The following ZNF566 variants were observed in gnomAD, a reference collection of about 807,000 sequenced individuals.
The protein encoded by ZNF566 is zinc finger protein 566.
A neutral mutation model predicts 32.8 loss-of-function variants in ZNF566; 27 were observed. The ratio of observed to expected loss-of-function variants is 0.82; its 90% CI spans 0.61 to 1.14. The LOEUF (loss-of-function observed/expected upper bound fraction) is 1.14, where lower values mean the gene tolerates loss of function less well. Among genes scored for constraint, ZNF566 ranks in the 50% most tolerant of loss-of-function variants. ZNF566 has a pLI of 0.00. For synonymous variants in ZNF566, 154 were observed against 159.5 expected (o/e 0.97, Z 0.26); for missense variants, 402 against 490.4 (o/e 0.82, Z 1.70).
chr19:36,451,988 C>A (rs938565472), intron 4 of ZNF566, among the ~76,000 whole-genome samples: 3 of 151,332 alleles, frequency 2.0e-5, no homozygotes, highest in African/African-American at 7.3e-5. Flanking sequence ...GCCTAGGGAA[C>A]AGAGCGAGAC....
intron 1 of ZNF566, among the ~76,000 whole-genome samples, chr19:36,484,811 G>C (rs906724109): frequency 3.9e-5 from 6 of 152,030 alleles, no homozygotes; most frequent in African/African-American, 1.4e-4. Context: ...GGATGGTCTT[G>C]ATCTCCTGAC....
rs1481464081 is a variant in ZNF566, at chr19:36,446,258, A to AT, written c.*2718dup. On this transcript the variant is annotated 3_prime_UTR_variant, in exon 5 of 5. Coordinates refer to ENST00000452939, the MANE Select transcript of ZNF566 (RefSeq NM_001145344.1). ...GGAACGGAGAAGGGCAAAGATAATC[A>AT]TTTTTTCTTTCTTTTTTTTTTTTTT... is the stretch of plus-strand genomic sequence containing the variant. 1 of 145,356 alleles carries AT rather than the reference A, an allele frequency of 6.9e-6. No homozygotes were observed. Among genetic ancestry groups the AT allele is most frequent in the Non-Finnish European group, 1.5e-5 (1 of 66,484 alleles). 9.0% of individuals were successfully genotyped at this position (145,356 alleles called of 1,614,324 possible).
chr19:36,451,841 A>G (rs1193923896), intron 4 of ZNF566, among the ~76,000 whole-genome samples: 3 of 152,138 alleles, frequency 2.0e-5, no homozygotes, highest in Admixed American at 2.0e-4. Flanking sequence ...CCCTATCTCT[A>G]CTAAAAATAC....
chr19:36,454,586 T>C (rs2033253408), intron 4 of ZNF566, among the ~76,000 whole-genome samples: 1 of 151,832 alleles, frequency 6.6e-6, no homozygotes, highest in Non-Finnish European at 1.5e-5. Flanking sequence ...AGAAGAATCA[T>C]AAGAGACTAC....
chr19:36,453,493 AAATAAATAAATAAATT>A (rs1180723782), intron 4 of ZNF566, among the ~76,000 whole-genome samples: 1 of 118,684 alleles, frequency 8.4e-6, no homozygotes, highest in Admixed American at 8.3e-5. Flanking sequence ...ATAAATAAAT[AAATAAATAAATAAATT>A]AATTAATTAA....
chr19:36,473,148 G>T, intron 3 of ZNF566, 142 bp from the exon 4 acceptor site: 1 of 1,039,814 alleles, frequency 9.6e-7, no homozygotes, highest in Non-Finnish European at 1.4e-6. Flanking sequence ...CATAACGGAA[G>T]ATGTAAAACA....
At chr19:36,464,273 G>A (rs913271051) in intron 4 of ZNF566, among the ~76,000 whole-genome samples, 1 of 152,072 alleles carries the variant, frequency 6.6e-6, no homozygotes, top group African/African-American at 2.4e-5. Context: ...TATGACAGAG[G>A]AGCATTGTTG....
At chr19:36,473,299 A>G in intron 3 of ZNF566, 33 bp downstream of exon 3, 1 of 1,612,876 alleles carries the variant, frequency 6.2e-7, no homozygotes, top group South Asian at 1.1e-5. Flanking sequence ...TTCCAAGGGC[A>G]GAATCTAAAT....
At chr19:36,488,955 C>G (rs2034240853) in intron 1 of ZNF566, among the ~76,000 whole-genome samples, 3 of 152,148 alleles carry the variant, frequency 2.0e-5, no homozygotes, top group South Asian at 2.1e-4. Context: ...GGGTCGCACA[C>G]GCAGGGCCTC....
intron 3 of ZNF566, 91 bp downstream of exon 3, chr19:36,473,241 C>T: frequency 1.3e-6 from 2 of 1,482,384 alleles, no homozygotes; most frequent in Non-Finnish European, 1.9e-6. Flanking sequence ...CAAAATTCGA[C>T]TGGTTTTTGA....
At chr19:36,475,312 T>C (rs1256400885) in intron 2 of ZNF566, among the ~76,000 whole-genome samples, 1 of 152,146 alleles carries the variant, frequency 6.6e-6, no homozygotes. Context: ...ATGCTGGAAT[T>C]ACAGGTGTGA....
In ZNF566 at chr19:36,480,288, C is replaced by CTTTTTTT. The variant is rs773998048; in HGVS notation, c.-59-3679_-59-3673dup. Among the ~76,000 whole-genome samples, 401 of 136,806 alleles carry CTTTTTTT rather than the reference C, an allele frequency of 2.9e-3. 7 individuals are homozygous for CTTTTTTT. The highest frequency in any genetic ancestry group is 6.7e-3 in the African/African-American group (251 of 37,346). 89.8% of individuals were successfully genotyped at this position (136,806 alleles called of 152,430 possible). The stretch of plus-strand genomic sequence containing the variant: ...CAAAGACTCCATGCAATTTTTTTTT[C>CTTTTTTT]TTTTTTTTTTTTTTGAGACAGAGTC... On this transcript the variant is annotated intron_variant, in intron 1 of 4. Transcript: ENST00000452939.
At chr19:36,468,091 A>G (rs982127681) in intron 4 of ZNF566, among the ~76,000 whole-genome samples, 1 of 150,582 alleles carries the variant, frequency 6.6e-6, no homozygotes, top group African/African-American at 2.5e-5. Flanking sequence ...AGGCTGAGGC[A>G]GAAGAATCAC....
At chr19:36,451,562 T>C (rs1396314061) in intron 4 of ZNF566, among the ~76,000 whole-genome samples, 1 of 152,182 alleles carries the variant, frequency 6.6e-6, no homozygotes, top group Non-Finnish European at 1.5e-5. Flanking sequence ...TTCAGTTACA[T>C]GCGTTTTATA....
At chr19:36,466,210 CA>C (rs1455743225) in intron 4 of ZNF566, among the ~76,000 whole-genome samples, 3 of 152,040 alleles carry the variant, frequency 2.0e-5, no homozygotes, top group Non-Finnish European at 4.4e-5. Context: ...AATCATCTAT[CA>C]AAAAGAAAAC....
intron 4 of ZNF566, among the ~76,000 whole-genome samples, chr19:36,463,512 G>A (rs1451450475): frequency 6.8e-6 from 1 of 147,966 alleles, no homozygotes; most frequent in Non-Finnish European, 1.5e-5. Context: ...TACTACTAAA[G>A]TGATCTACAA....
At chr19:36,487,212 G>C (rs1313846869) in intron 1 of ZNF566, among the ~76,000 whole-genome samples, 1 of 152,026 alleles carries the variant, frequency 6.6e-6, no homozygotes, top group Non-Finnish European at 1.5e-5. Flanking sequence ...TTACGGAGAG[G>C]ATATGAAGCA....
At chr19:36,476,473 T>C in intron 2 of ZNF566, 76 bp downstream of exon 2, 1 of 1,380,956 alleles carries the variant, frequency 7.2e-7, no homozygotes, top group Non-Finnish European at 1.0e-6. Context: ...AAAAGCATCA[T>C]CATGAGGAAA....
chr19:36,487,499 T>C, intron 1 of ZNF566, among the ~76,000 whole-genome samples: 1 of 152,174 alleles, frequency 6.6e-6, no homozygotes, highest in Non-Finnish European at 1.5e-5. Context: ...TAGTGAGAGC[T>C]AAGTACAATT....
Sources: allele counts gnomAD v4.1 joint callset (sites outside exome capture counted in the v4.1 genomes callset), GRCh38; gene constraint gnomAD v4.1.1; transcripts MANE v1.5; gene names NCBI Gene and HGNC (gene_info 2026-07-23, HGNC 2026-07-21).